Variants in MINPP1 observed in about 807,000 individuals in gnomAD.
MINPP1 encodes multiple inositol polyphosphate phosphatase 1.
A neutral mutation model predicts 46.1 loss-of-function variants in MINPP1; 28 were observed. The observed-to-expected ratio is 0.61, with a 90% confidence interval of 0.45 to 0.83. MINPP1 has a LOEUF of 0.83. MINPP1 is among the 40% of genes least tolerant of loss of function. MINPP1 has a pLI of 0.00. For synonymous variants in MINPP1, 268 were observed against 249.1 expected (o/e 1.08, Z -0.72); for missense variants, 603 against 610.0 (o/e 0.99, Z 0.12).
At chr10:87,540,247 A>G (rs1410328349) in intron 4 of MINPP1, among the ~76,000 whole-genome samples, 1 of 152,224 alleles carries the variant, frequency 6.6e-6, no homozygotes, top group Non-Finnish European at 1.5e-5. Flanking sequence ...ATTGAATGGT[A>G]GTGACAAAGC....
intron 4 of MINPP1, among the ~76,000 whole-genome samples, chr10:87,549,983 GC>G (rs531279135): frequency 2.6e-4 from 40 of 152,310 alleles, no homozygotes; most frequent in African/African-American, 9.1e-4. Flanking sequence ...AAGGGGCCAG[GC>G]AAGTAACAAA....
chr10:87,510,138 A>T (rs1371412407), intron 2 of MINPP1, among the ~76,000 whole-genome samples: 2 of 152,228 alleles, frequency 1.3e-5, no homozygotes, highest in Admixed American at 1.3e-4. Flanking sequence ...TAAAATGAAC[A>T]TGGGAATTAT....
chr10:87,510,440 C>T (rs747425069), intron 2 of MINPP1, among the ~76,000 whole-genome samples: 4 of 152,212 alleles, frequency 2.6e-5, no homozygotes, highest in Non-Finnish European at 5.9e-5. Flanking sequence ...AACCCATCAT[C>T]GAATTTTACT....
At chr10:87,538,915 G>T (rs1851775737) in intron 4 of MINPP1, among the ~76,000 whole-genome samples, 1 of 152,152 alleles carries the variant, frequency 6.6e-6, no homozygotes, top group South Asian at 2.1e-4. Context: ...GTTTTTTCTG[G>T]TTGAGCTTTT....
At chr10:87,532,637 A>G (rs1851676243) in intron 4 of MINPP1, among the ~76,000 whole-genome samples, 1 of 152,278 alleles carries the variant, frequency 6.6e-6, no homozygotes, top group Non-Finnish European at 1.5e-5. Context: ...CTGAATTAAG[A>G]TTAAACCTTA....
Position 87,505,029 on chromosome 10 carries a change from G to T in MINPP1, c.114G>T (p.Pro38=), listed in dbSNP as rs149262703. The T allele has an allele frequency of 7.0e-4, 1,127 of 1,613,160 alleles. 1 individual carries two copies. Among genetic ancestry groups the T allele is most frequent in the Middle Eastern group, 3.5e-3 (21 of 6,062 alleles). The stretch of plus-strand genomic sequence containing the variant: ...GCTCTCTTCTAGAGCCGAGGGACCC[G>T]GTGGCCTCGTCGCTCAGCCCCTATT... ...ARCSLLEPRD[P]VASSLSPYFG... is the part of the protein sequence containing the mutation. Residue 38 remains proline, a synonymous_variant, in exon 1 of 5, where the codon CCG becomes CCT. Transcript: ENST00000371996. This position sits in a 1 kb window ranked among gnomAD's most constrained non-coding sequence, Gnocchi z 4.4.
rs370066493 is a variant in MINPP1, at chr10:87,552,266, G to T, written c.1252G>T (p.Val418Leu). The T allele has an allele frequency of 1.1e-5, 18 of 1,613,682 alleles. No individual in the cohort carries two copies. The highest frequency in any genetic ancestry group is 1.4e-5 in the Non-Finnish European group (17 of 1,179,816). The change falls in exon 5 of 5, where the codon GTG (valine) becomes TTG (leucine). Residue 418 changes from valine to leucine, a missense_variant. By Grantham distance (32) the Val-to-Leu change is conservative (BLOSUM62 1). Transcript: ENST00000371996. Reference protein sequence around the residue: ...IVPYASNLIFVLYHCENAKTP... With the variant: ...IVPYASNLIFLLYHCENAKTP... ...ACCTTATGCCTCGAACCTGATATTTGTGCTTTACCACTGTGAAAATGCTAA... is the reference window on the plus strand; with the variant it reads ...ACCTTATGCCTCGAACCTGATATTTTTGCTTTACCACTGTGAAAATGCTAA...
rs1046593383 is a variant in MINPP1, at chr10:87,505,708, G to C, written c.637+156G>C. Among the ~76,000 whole-genome samples the C allele has an allele frequency of 2.0e-5, 3 of 152,114 alleles. No individual in the cohort carries two copies. Among genetic ancestry groups the C allele is most frequent in the Admixed American group, 6.5e-5 (1 of 15,274 alleles). ...CTCGGGCTACGTCCTCCCTGTCGAG[G>C]GATATTACAGACTTGGCTATCTCTT... On this transcript the variant is annotated intron_variant, in intron 1 of 4. Transcript: ENST00000371996. This position sits in a 1 kb window ranked among gnomAD's most constrained non-coding sequence, Gnocchi z 4.4.
intron 4 of MINPP1, among the ~76,000 whole-genome samples, chr10:87,536,414 G>A (rs967985261): frequency 2.0e-5 from 3 of 151,978 alleles, no homozygotes; most frequent in Non-Finnish European, 2.9e-5. Context: ...TTAATAACTC[G>A]ATTGAGGTAT....
At chr10:87,508,142 T>G in intron 1 of MINPP1, 194 bp from the exon 2 acceptor site, 1 of 1,534,214 alleles carries the variant, frequency 6.5e-7, no homozygotes, top group Non-Finnish European at 8.7e-7. Flanking sequence ...TTTCTAGCTA[T>G]TCTCATGCGT....
At chr10:87,536,743 T>G (rs1851741328) in intron 4 of MINPP1, among the ~76,000 whole-genome samples, 1 of 152,232 alleles carries the variant, frequency 6.6e-6, no homozygotes, top group Non-Finnish European at 1.5e-5. Context: ...TTCATTCCTT[T>G]TTAAGACCAA....
chr10:87,528,187 G>T (rs1327374094), intron 4 of MINPP1, among the ~76,000 whole-genome samples: 5 of 151,992 alleles, frequency 3.3e-5, no homozygotes, highest in Non-Finnish European at 7.4e-5. Flanking sequence ...TTTTTGAAGG[G>T]TTTTTTGTGT....
At chr10:87,534,401 A>G (rs1199254686) in intron 4 of MINPP1, among the ~76,000 whole-genome samples, 3 of 152,062 alleles carry the variant, frequency 2.0e-5, no homozygotes, top group Non-Finnish European at 4.4e-5. Flanking sequence ...AGTTTATATA[A>G]CTAGCCTGGC....
chr10:87,551,491 C>A (rs1851961962), intron 4 of MINPP1, among the ~76,000 whole-genome samples: 1 of 151,892 alleles, frequency 6.6e-6, no homozygotes, highest in South Asian at 2.1e-4. Flanking sequence ...ATTCCTGGCA[C>A]TTTATACTCC....
At chr10:87,544,553 C>T (rs1226966735) in intron 4 of MINPP1, among the ~76,000 whole-genome samples, 1 of 152,152 alleles carries the variant, frequency 6.6e-6, no homozygotes, top group Non-Finnish European at 1.5e-5. Flanking sequence ...CCAGCTCCAT[C>T]CTGAAGCTAT....
At position 87,504,910 on chromosome 10, in the gene MINPP1, C is replaced by G. The variant is rs754268168; in HGVS notation, c.-6C>G. 1.1e-5 allele frequency: 17 copies of G among 1,609,680 alleles called. No homozygotes were observed. The highest frequency in any genetic ancestry group is 1.4e-5 in the Non-Finnish European group (16 of 1,179,114). ...GGCTCGGCGCACTCCACTGACCGTC[C>G]CGACGATGCTACGCGCGCCCGGCTG... On this transcript the variant is annotated 5_prime_UTR_variant, in exon 1 of 5. Transcript: ENST00000371996.
At chr10:87,539,634 G>C (rs1851784798) in intron 4 of MINPP1, among the ~76,000 whole-genome samples, 1 of 152,182 alleles carries the variant, frequency 6.6e-6, no homozygotes, top group Non-Finnish European at 1.5e-5. Flanking sequence ...TTATTCCTCA[G>C]GATGTCACAT....
chr10:87,531,397 T>TAAC (rs1851658734), intron 4 of MINPP1, among the ~76,000 whole-genome samples: 1 of 152,360 alleles, frequency 6.6e-6, no homozygotes, highest in East Asian at 1.9e-4. Context: ...AAAATGCAAC[T>TAAC]AATTGAGCAC....
chr10:87,552,674 T>C lies in MINPP1; in HGVS notation c.*196T>C. The C allele has an allele frequency of 1.7e-6, 1 of 576,620 alleles. No homozygotes were observed. The highest frequency in any genetic ancestry group is 3.0e-6 in the Non-Finnish European group (1 of 330,990). 35.7% of individuals were successfully genotyped at this position (576,620 alleles called of 1,614,324 possible). A position where few individuals can be genotyped will look rare whatever the true frequency, so the allele number is the denominator to read the frequency against. On this transcript the variant is annotated 3_prime_UTR_variant, in exon 5 of 5. Coordinates refer to ENST00000371996, the MANE Select transcript of MINPP1 (RefSeq NM_004897.5). ...AAGATTTTTCACTGGAGCAGCTCTCTTAAGGAGAAACAAATCTATTTAGAG... is the reference window on the plus strand; with the variant it reads ...AAGATTTTTCACTGGAGCAGCTCTCCTAAGGAGAAACAAATCTATTTAGAG...
Sources: gnomAD v4.1 joint callset for allele counts (sites outside exome capture counted in the v4.1 genomes callset) on GRCh38, gnomAD v4.1.1 for gene constraint, Gnocchi (gnomAD v3.1) non-coding constraint, MANE v1.5 for transcripts, NCBI Gene and HGNC (gene_info 2026-07-23, HGNC 2026-07-21) for gene names.